Variants in OBI1 observed in about 807,000 individuals in gnomAD.
OBI1 encodes the protein ORC ubiquitin ligase 1.
OBI1 carries 59 observed loss-of-function variants against 62.4 expected under a neutral mutation model. The ratio of observed to expected loss-of-function variants is 0.95; its 90% CI spans 0.77 to 1.17. OBI1 has a LOEUF of 1.17. OBI1 is among the 50% of genes most tolerant of loss of function. The probability of loss-of-function intolerance (pLI) is 0.00; values close to 1 mark genes in which losing one functional copy is unlikely to be tolerated. For missense variants in OBI1, 875 were observed against 830.9 expected, an observed-to-expected ratio of 1.05 and a Z score of -0.65; for synonymous variants, 302 against 292.8, an observed-to-expected ratio of 1.03 and a Z score of -0.32.
intron 5 of OBI1, among the ~76,000 whole-genome samples, chr13:78,631,699 A>C (rs1875857260): frequency 6.6e-6 from 1 of 152,150 alleles, no homozygotes; most frequent in African/African-American, 2.4e-5. Context: ...ACGAGTTTGG[A>C]TATTAGGACA....
At chr13:78,619,328 T>C (rs1875433865) in intron 5 of OBI1, among the ~76,000 whole-genome samples, 1 of 113,014 alleles carries the variant, frequency 8.8e-6, no homozygotes, top group Non-Finnish European at 1.7e-5. Flanking sequence ...TCTCTCTATA[T>C]ATTTTTTTTT....
At chr13:78,628,746 G>A (rs1229304321) in intron 5 of OBI1, among the ~76,000 whole-genome samples, 4 of 150,254 alleles carry the variant, frequency 2.7e-5, no homozygotes, top group African/African-American at 9.7e-5. Flanking sequence ...GGTAGGGAAA[G>A]GACGGACAAA....
At chr13:78,620,602 C>T (rs1875477307) in intron 5 of OBI1, 4 of 440,620 alleles carry the variant, frequency 9.1e-6, no homozygotes, top group Non-Finnish European at 1.8e-5. Flanking sequence ...TTAACTGATA[C>T]ATACATTCTG....
Position 78,616,460 on chromosome 13 carries a change from G to A in OBI1, c.1301C>T (p.Ser434Phe), listed in dbSNP as rs993295376. 6.2e-7 allele frequency: 1 copy of A among 1,613,748 alleles called. No homozygotes were observed. The highest frequency in any genetic ancestry group is 8.5e-7 in the Non-Finnish European group (1 of 1,179,990). The change falls in exon 6 of 6, where the codon TCT becomes TTT. Residue 434 changes from serine (S) to phenylalanine (F), a missense_variant. Ser to Phe is a radical substitution (Grantham distance 155, BLOSUM62 -2). Transcript: ENST00000282003. ...RKLVFDDFCD[S>F]SNVSNKDSSE... ...AGAATCTTTATTAGAAACATTTGAAGAATCACAAAAATCATCAAACACCAA... is the reference window on the plus strand; with the variant it reads ...AGAATCTTTATTAGAAACATTTGAAAAATCACAAAAATCATCAAACACCAA...
At position 78,616,205 on chromosome 13, in the gene OBI1, A is replaced by C. The variant is rs200093039; in HGVS notation, c.1556T>G (p.Met519Arg). Residue 519 changes from methionine to arginine, a missense_variant, in exon 6 of 6, where the codon ATG becomes AGG. Met to Arg is a moderately conservative substitution (Grantham distance 91). Coordinates refer to ENST00000282003, the MANE Select transcript of OBI1 (RefSeq NM_024546.4). ...KRLNSIRSFEMNRTRTSSEAS... is the reference protein window; with the variant it reads ...KRLNSIRSFERNRTRTSSEAS... Reference sequence around the variant, plus strand: ...TTCACTGGATGTTCTTGTCCGGTTCATTTCAAAAGAGCGAATAGAATTCAA... The same window carrying C: ...TTCACTGGATGTTCTTGTCCGGTTCCTTTCAAAAGAGCGAATAGAATTCAA... 1 of 1,614,106 alleles carries C rather than the reference A, an allele frequency of 6.2e-7. No individual in the cohort carries two copies. The highest frequency in any genetic ancestry group is 1.3e-5 in the African/African-American group (1 of 75,050).
intron 5 of OBI1, among the ~76,000 whole-genome samples, chr13:78,618,120 AT>A (rs1875378813): frequency 6.6e-6 from 1 of 152,152 alleles, no homozygotes; most frequent in Admixed American, 6.5e-5. Context: ...CCAAAAATAA[AT>A]TCTATCTTTC....
At chr13:78,633,601 A>G (rs568377828) in intron 5 of OBI1, among the ~76,000 whole-genome samples, 4 of 152,088 alleles carry the variant, frequency 2.6e-5, no homozygotes, top group Non-Finnish European at 4.4e-5. Context: ...TGGGGGCCAT[A>G]TTGTCTTCTC....
intron 5 of OBI1, among the ~76,000 whole-genome samples, chr13:78,622,829 C>G (rs1347093991): frequency 2.0e-5 from 3 of 152,124 alleles, no homozygotes; most frequent in African/African-American, 7.2e-5. Flanking sequence ...ATCTTGTGTA[C>G]ATGTGTGCAG....
chr13:78,639,222 A>T (rs1876128693), intron 3 of OBI1, 151 bp from the exon 4 acceptor site: 1 of 741,922 alleles, frequency 1.3e-6, no homozygotes, highest in African/African-American at 1.8e-5. Flanking sequence ...TGCAGGGAGA[A>T]AGTCACATAC....
chr13:78,627,309 T>TA (rs60775623), intron 5 of OBI1, among the ~76,000 whole-genome samples: 33,346 of 117,682 alleles, frequency 0.28, 4,485 homozygotes, highest in African/African-American at 0.31. Context: ...TTATTTATTC[T>TA]AAAAAAAAAA....
chr13:78,640,290 G>T (rs1221399426), intron 3 of OBI1, among the ~76,000 whole-genome samples: 1 of 151,992 alleles, frequency 6.6e-6, no homozygotes, highest in Admixed American at 6.6e-5. Context: ...GGATGTTCAA[G>T]TTCCTGATGG....
At chr13:78,650,309 G>A (rs567986923) in intron 1 of OBI1, among the ~76,000 whole-genome samples, 1 of 152,334 alleles carries the variant, frequency 6.6e-6, no homozygotes, top group South Asian at 2.1e-4. Context: ...ATGTCTCCAT[G>A]AGGTTGAAGT....
chr13:78,621,030 T>C (rs528589508), intron 5 of OBI1, among the ~76,000 whole-genome samples: 2 of 152,224 alleles, frequency 1.3e-5, no homozygotes, highest in East Asian at 1.9e-4. Flanking sequence ...AAGGGGGACA[T>C]TGGGGAAGTC....
At chr13:78,638,121 G>C (rs1472048308) in intron 4 of OBI1, among the ~76,000 whole-genome samples, 1 of 152,182 alleles carries the variant, frequency 6.6e-6, no homozygotes, top group Non-Finnish European at 1.5e-5. Context: ...TCAAGCTAAA[G>C]GCTGATCACT....
chr13:78,629,408 A>C (rs577495134), intron 5 of OBI1, among the ~76,000 whole-genome samples: 3 of 152,130 alleles, frequency 2.0e-5, no homozygotes, highest in Non-Finnish European at 4.4e-5. Flanking sequence ...GTAGCTGAGG[A>C]CAAAAATACC....
chr13:78,651,543 C>T (rs957057199), intron 1 of OBI1, among the ~76,000 whole-genome samples: 1 of 152,114 alleles, frequency 6.6e-6, no homozygotes, highest in Non-Finnish European at 1.5e-5. Flanking sequence ...GTTTATGGGG[C>T]TCCCTATTTA....
At chr13:78,647,412 T>C (rs1876417669) in intron 1 of OBI1, among the ~76,000 whole-genome samples, 1 of 152,266 alleles carries the variant, frequency 6.6e-6, no homozygotes, top group Non-Finnish European at 1.5e-5. Context: ...AATGCTGCTC[T>C]GTTACTCTTT....
Position 78,659,055 on chromosome 13 carries a change from C to A in OBI1, c.66G>T (p.Leu22Phe). 1.9e-6 allele frequency: 3 copies of A among 1,613,134 alleles called. No homozygotes were observed. The highest frequency in any genetic ancestry group is 2.2e-5 in the East Asian group (1 of 44,622). ...LTLPITCHICLGKVRQPVICI... is the reference protein window; with the variant it reads ...LTLPITCHICFGKVRQPVICI... ...GCCCACAATCACCCATTACCTTCCCCAAGCAAATGTGGCACGTGATGGGCA... is the reference window on the plus strand; with the variant it reads ...GCCCACAATCACCCATTACCTTCCCAAAGCAAATGTGGCACGTGATGGGCA... Residue 22 changes from leucine to phenylalanine, a missense_variant, in exon 1 of 6, where the codon TTG becomes TTT. Leu to Phe is a conservative substitution (Grantham distance 22, BLOSUM62 0). Transcript: ENST00000282003.
At chr13:78,634,255 GCA>G (rs1875954403) in intron 5 of OBI1, among the ~76,000 whole-genome samples, 1 of 151,828 alleles carries the variant, frequency 6.6e-6, no homozygotes, top group African/African-American at 2.4e-5. Context: ...ATGGTTAAGA[GCA>G]CAGACTCTGG....
Sources: gnomAD v4.1 joint callset for allele counts (sites outside exome capture counted in the v4.1 genomes callset) on GRCh38, gnomAD v4.1.1 for gene constraint, MANE v1.5 for transcripts, NCBI Gene and HGNC (gene_info 2026-07-23, HGNC 2026-07-21) for gene names.